The following VAT1L variants were observed in gnomAD, a reference collection of about 807,000 sequenced individuals.
VAT1L encodes the protein vesicle amine transport 1 like.
Under a neutral mutation model 44.1 loss-of-function variants are expected in VAT1L, and 34 were observed. That is an observed-to-expected ratio of 0.77 (90% CI 0.59 to 1.03). The LOEUF is 1.03. Among genes scored for constraint, VAT1L ranks in the 50% least tolerant of loss-of-function variants. The probability of loss-of-function intolerance (pLI) is 0.00; values close to 1 mark genes in which losing one functional copy is unlikely to be tolerated. For synonymous variants in VAT1L, 253 were observed against 202.2 expected (o/e 1.25, Z -2.13); for missense variants, 615 against 538.8 (o/e 1.14, Z -1.40).
chr16:77,909,221 G>A (rs560662960), intron 7 of VAT1L, among the ~76,000 whole-genome samples: 6 of 152,186 alleles, frequency 3.9e-5, no homozygotes, highest in Non-Finnish European at 8.8e-5. Flanking sequence ...AGTAAGACAT[G>A]AAAGACAAAA....
At chr16:77,952,312 G>C (rs1285625824) in intron 7 of VAT1L, among the ~76,000 whole-genome samples, 2 of 152,152 alleles carry the variant, frequency 1.3e-5, no homozygotes, top group Non-Finnish European at 2.9e-5. Context: ...AAATTTCATG[G>C]TGAAATGTAA....
chr16:77,837,537 A>G (rs988594881), intron 3 of VAT1L, among the ~76,000 whole-genome samples: 1 of 152,188 alleles, frequency 6.6e-6, no homozygotes, highest in East Asian at 1.9e-4. Flanking sequence ...TACCCAGCAC[A>G]TTGGTGCTGC....
At chr16:77,817,928 C>T (rs1267577436) in intron 2 of VAT1L, among the ~76,000 whole-genome samples, 1 of 152,134 alleles carries the variant, frequency 6.6e-6, no homozygotes, top group Non-Finnish European at 1.5e-5. Flanking sequence ...TAATCAGAAC[C>T]ATGGAGAAGT....
At chr16:77,881,698 G>A (rs192807975) in intron 6 of VAT1L, among the ~76,000 whole-genome samples, 1 of 152,252 alleles carries the variant, frequency 6.6e-6, no homozygotes, top group African/African-American at 2.4e-5. Context: ...TTTAAAATAT[G>A]GGTCAAGGAT....
intron 8 of VAT1L, among the ~76,000 whole-genome samples, chr16:77,975,319 C>T (rs776337457): frequency 5.4e-5 from 8 of 147,016 alleles, no homozygotes; most frequent in Non-Finnish European, 1.0e-4. Flanking sequence ...AAGTAATTCT[C>T]ATGCCACAGC....
At chr16:77,835,085 A>G (rs1346346519) in intron 3 of VAT1L, among the ~76,000 whole-genome samples, 1 of 152,124 alleles carries the variant, frequency 6.6e-6, no homozygotes, top group Non-Finnish European at 1.5e-5. Context: ...AAGCCCCTCC[A>G]TCAAAGCAAC....
intron 7 of VAT1L, among the ~76,000 whole-genome samples, chr16:77,952,205 A>T (rs1597118317): frequency 6.6e-6 from 1 of 152,210 alleles, no homozygotes; most frequent in East Asian, 1.9e-4. Context: ...AATAATTTAC[A>T]ATATCAAGTT....
intron 7 of VAT1L, among the ~76,000 whole-genome samples, chr16:77,902,693 T>C (rs1346645977): frequency 4.0e-5 from 5 of 125,676 alleles, no homozygotes; most frequent in Non-Finnish European, 7.9e-5. Flanking sequence ...TGGTGGCTGA[T>C]GCCTGTAATC....
chr16:77,837,773 A>G (rs2016655330), intron 3 of VAT1L, among the ~76,000 whole-genome samples: 1 of 152,190 alleles, frequency 6.6e-6, no homozygotes, highest in Non-Finnish European at 1.5e-5. Context: ...AACAGGTCTA[A>G]TACGTATTGT....
chr16:77,917,748 T>C (rs2017566331), intron 7 of VAT1L, among the ~76,000 whole-genome samples: 1 of 152,144 alleles, frequency 6.6e-6, no homozygotes, highest in South Asian at 2.1e-4. Flanking sequence ...CCAGAGAATG[T>C]AAGAGAGATT....
intron 3 of VAT1L, among the ~76,000 whole-genome samples, chr16:77,843,375 C>G (rs1020496480): frequency 3.3e-5 from 5 of 152,094 alleles, no homozygotes; most frequent in East Asian, 1.9e-4. Flanking sequence ...GCACATTACT[C>G]CCAGATCTCC....
intron 4 of VAT1L, among the ~76,000 whole-genome samples, chr16:77,874,468 C>CT (rs35586003): frequency 0.5 from 75,163 of 151,750 alleles, 19,992 homozygotes; most frequent in East Asian, 0.78. Flanking sequence ...CCAGCCCAAC[C>CT]CGAAGCAAAC....
chr16:77,859,366 C>T (rs1296090649), intron 3 of VAT1L, among the ~76,000 whole-genome samples: 2 of 152,062 alleles, frequency 1.3e-5, no homozygotes, highest in African/African-American at 4.8e-5. Flanking sequence ...CAATGCCATG[C>T]TCATGGCAAA....
At chr16:77,882,752 T>C (rs1456225019) in intron 6 of VAT1L, among the ~76,000 whole-genome samples, 1 of 152,244 alleles carries the variant, frequency 6.6e-6, no homozygotes, top group East Asian at 1.9e-4. Context: ...GTTATTATTT[T>C]TCTATATTTG....
chr16:77,970,826 C>G (rs2018271046), intron 7 of VAT1L, among the ~76,000 whole-genome samples: 2 of 152,182 alleles, frequency 1.3e-5, no homozygotes, highest in Admixed American at 6.5e-5. Context: ...CAAGCAAATA[C>G]TGCTCTATCA....
chr16:77,895,533 A>G (rs1240004954), intron 7 of VAT1L, among the ~76,000 whole-genome samples: 2 of 152,168 alleles, frequency 1.3e-5, no homozygotes, highest in African/African-American at 4.8e-5. Context: ...AAGCAGAGGA[A>G]GAAGGGTGAT....
intron 3 of VAT1L, among the ~76,000 whole-genome samples, chr16:77,839,404 T>C (rs1449883597): frequency 6.6e-6 from 1 of 150,940 alleles, no homozygotes; most frequent in Non-Finnish European, 1.5e-5. Context: ...GGCGTGGTGG[T>C]GGGCACCTGT....
At chr16:77,916,795 T>C (rs1173323846) in intron 7 of VAT1L, among the ~76,000 whole-genome samples, 1 of 139,644 alleles carries the variant, frequency 7.2e-6, no homozygotes. Context: ...CACTGCGCTT[T>C]GCTCTTTTTT....
intron 1 of VAT1L, among the ~76,000 whole-genome samples, chr16:77,815,398 A>C (rs2016332872): frequency 6.6e-6 from 1 of 152,316 alleles, no homozygotes; most frequent in South Asian, 2.1e-4. Context: ...GCACACTGGA[A>C]GCAGAGAAAT....
Sources: gnomAD v4.1 joint callset for allele counts (sites outside exome capture counted in the v4.1 genomes callset) on GRCh38, gnomAD v4.1.1 for gene constraint, MANE v1.5 for transcripts, NCBI Gene and HGNC (gene_info 2026-07-23, HGNC 2026-07-21) for gene names.